CALN1: variants seen among roughly 807,000 people sequenced by gnomAD.
CALN1 encodes the protein calcium-binding protein 8.
Under a neutral mutation model 30.6 loss-of-function variants are expected in CALN1, and 17 were observed. That is an observed-to-expected ratio of 0.56 (90% CI 0.38 to 0.83). The LOEUF (loss-of-function observed/expected upper bound fraction) is 0.83, where lower values mean the gene tolerates loss of function less well. Ranked by LOEUF, CALN1 falls within the 40% of genes least tolerant of loss-of-function variation. CALN1 has a pLI of 0.00. For synonymous variants in CALN1, 156 were observed against 131.4 expected, an observed-to-expected ratio of 1.19 and a Z score of -1.28; for missense variants, 291 against 354.9, an observed-to-expected ratio of 0.82 and a Z score of 1.45.
At chr7:72,171,862 AC>A (rs1269591449) in intron 3 of CALN1, among the ~76,000 whole-genome samples, 1 of 152,116 alleles carries the variant, frequency 6.6e-6, no homozygotes, top group African/African-American at 2.4e-5. Flanking sequence ...CCACACACAC[AC>A]CCATCTTTGA....
intron 5 of CALN1, among the ~76,000 whole-genome samples, chr7:71,988,146 T>C (rs1798770886): frequency 6.6e-6 from 1 of 152,218 alleles, no homozygotes; most frequent in Non-Finnish European, 1.5e-5. Flanking sequence ...CAGACACTGA[T>C]ACAGTACTTG....
the CALN1 span, among the ~76,000 whole-genome samples, chr7:72,491,058 C>T: frequency 3.3e-5 from 5 of 152,110 alleles, no homozygotes; most frequent in South Asian, 2.1e-4. Context: ...TCCTGGATAA[C>T]ATGGTGAAAC....
chr7:72,379,963 A>G (rs1447499931), intron 2 of CALN1, among the ~76,000 whole-genome samples: 1 of 152,200 alleles, frequency 6.6e-6, no homozygotes, highest in East Asian at 1.9e-4. Flanking sequence ...TTAATTCACT[A>G]CAACTCTTAC....
chr7:72,192,206 C>G (rs1301474951), intron 3 of CALN1, among the ~76,000 whole-genome samples: 3 of 152,128 alleles, frequency 2.0e-5, no homozygotes, highest in Admixed American at 2.0e-4. Context: ...TGCTATTGCT[C>G]CTAGGGTACA....
intron 4 of CALN1, among the ~76,000 whole-genome samples, chr7:72,071,345 A>G (rs1053869029): frequency 1.3e-5 from 2 of 152,010 alleles, no homozygotes; most frequent in Non-Finnish European, 2.9e-5. Context: ...TATAAGCTCC[A>G]CCCCACCCCC....
At chr7:71,838,981 A>G (rs796130200) in intron 5 of CALN1, among the ~76,000 whole-genome samples, 11 of 152,142 alleles carry the variant, frequency 7.2e-5, no homozygotes, top group African/African-American at 2.6e-4. Context: ...CCTGATTTTT[A>G]AAATTTTCTT....
chr7:72,043,106 G>A (rs1316250568), intron 4 of CALN1, among the ~76,000 whole-genome samples: 3 of 152,160 alleles, frequency 2.0e-5, no homozygotes, highest in Non-Finnish European at 4.4e-5. Flanking sequence ...CACAAGGTAG[G>A]GTCCTTCCAG....
chr7:71,862,690 G>A (rs956261679), intron 5 of CALN1, among the ~76,000 whole-genome samples: 1 of 152,174 alleles, frequency 6.6e-6, no homozygotes, highest in Non-Finnish European at 1.5e-5. Flanking sequence ...GAAGATTCAT[G>A]CAATCTTGAT....
chr7:72,410,813 C>CT, intron 1 of CALN1, among the ~76,000 whole-genome samples: 1 of 152,176 alleles, frequency 6.6e-6, no homozygotes, highest in East Asian at 1.9e-4. Context: ...TACCTTCTTA[C>CT]TTTCCAAGAA....
intron 3 of CALN1, among the ~76,000 whole-genome samples, chr7:72,252,608 C>A (rs1230043369): frequency 2.0e-4 from 28 of 137,362 alleles, no homozygotes; most frequent in South Asian, 4.8e-4. Flanking sequence ...GACCCTGTCT[C>A]AAAAAAAAAA....
chr7:71,958,860 C>T (rs757800860), intron 5 of CALN1, among the ~76,000 whole-genome samples: 3 of 152,182 alleles, frequency 2.0e-5, no homozygotes, highest in Non-Finnish European at 4.4e-5. Flanking sequence ...GACTGAGTCT[C>T]CCACCCAGCC....
At position 72,212,148 on chromosome 7, in the gene CALN1, G is replaced by C. The variant is rs549644335; in HGVS notation, c.244+66538C>G. Reference sequence around the variant, plus strand: ...CGGGCAGATAAGGAGGTCAGGAGATGGAGACCATCCTGGCTAACAGTGAAA... The same window carrying C: ...CGGGCAGATAAGGAGGTCAGGAGATCGAGACCATCCTGGCTAACAGTGAAA... On this transcript the variant is annotated intron_variant, in intron 3 of 6. Coordinates refer to ENST00000395275, the MANE Select transcript of CALN1 (RefSeq NM_031468.4). 9.2e-5 allele frequency among the ~76,000 whole-genome samples: 14 copies of C among 152,150 alleles called. No individual in the cohort carries two copies. The South Asian group carries it at 2.5e-3, about 27-fold the overall frequency.
intron 5 of CALN1, chr7:71,913,977 T>C (rs534325693): frequency 6.6e-5 from 10 of 152,318 alleles, no homozygotes; most frequent in Non-Finnish European, 1.5e-4. Context: ...TGAGGTGAAA[T>C]AGCCAGTCCA....
the CALN1 span, among the ~76,000 whole-genome samples, chr7:72,478,280 T>C: frequency 4.1e-5 from 6 of 147,728 alleles, no homozygotes; most frequent in Non-Finnish European, 7.4e-5. Context: ...GCAATATTTA[T>C]ATATACTTTA....
intron 5 of CALN1, among the ~76,000 whole-genome samples, chr7:71,815,155 T>C (rs1224770404): frequency 6.6e-6 from 1 of 152,144 alleles, no homozygotes; most frequent in East Asian, 1.9e-4. Context: ...ACTTTTTATA[T>C]TATTGGTAAG....
chr7:71,889,812 A>G (rs1187909105), intron 5 of CALN1, among the ~76,000 whole-genome samples: 5 of 152,074 alleles, frequency 3.3e-5, no homozygotes, highest in African/African-American at 1.2e-4. Flanking sequence ...AAACTTAGCC[A>G]TATGTGGTGG....
chr7:71,872,000 A>G (rs1791961514), intron 5 of CALN1, among the ~76,000 whole-genome samples: 1 of 152,208 alleles, frequency 6.6e-6, no homozygotes, highest in South Asian at 2.1e-4. Flanking sequence ...ACATGTGTCT[A>G]CTAGGCACTT....
At chr7:71,809,464 CAAA>C (rs10682965) in intron 6 of CALN1, among the ~76,000 whole-genome samples, 1 of 108,402 alleles carries the variant, frequency 9.2e-6, no homozygotes, top group Non-Finnish European at 1.8e-5. Flanking sequence ...TTTAAATGTT[CAAA>C]AAAAAAAAAA....
At chr7:72,286,718 A>C (rs571563145) in intron 2 of CALN1, among the ~76,000 whole-genome samples, 2 of 152,348 alleles carry the variant, frequency 1.3e-5, no homozygotes, top group East Asian at 3.9e-4. Context: ...GTTTGGACAG[A>C]TCTCAAATCA....
Sources: gnomAD v4.1 joint callset for allele counts (sites outside exome capture counted in the v4.1 genomes callset) on GRCh38, gnomAD v4.1.1 for gene constraint, MANE v1.5 for transcripts, NCBI Gene and HGNC (gene_info 2026-07-23, HGNC 2026-07-21) for gene names.